The following LRP6 variants were observed in gnomAD, a reference collection of about 807,000 sequenced individuals.
The protein encoded by LRP6 is LDL receptor related protein 6.
Under a neutral mutation model 184.1 loss-of-function variants are expected in LRP6, and 43 were observed. That is an observed-to-expected ratio of 0.23 (90% CI 0.18 to 0.30). LRP6 has a LOEUF of 0.30. Ranked by LOEUF, LRP6 falls within the 10% of genes least tolerant of loss-of-function variation. The pLI, the probability that LRP6 is intolerant of heterozygous loss-of-function variation, is 1.00. For synonymous variants in LRP6, 719 were observed against 684.9 expected (o/e 1.05, Z -0.78); for missense variants, 1,571 against 2,005.3 (o/e 0.78, Z 4.14).
intron 3 of LRP6, among the ~76,000 whole-genome samples, chr12:12,201,022 G>A (rs1264171403): frequency 2.0e-5 from 3 of 152,094 alleles, no homozygotes; most frequent in Non-Finnish European, 2.9e-5. Context: ...TAAAATTAGT[G>A]TTCCTGAACT....
intron 1 of LRP6, among the ~76,000 whole-genome samples, chr12:12,266,068 T>C (rs149511016): frequency 2.2e-4 from 34 of 152,302 alleles, no homozygotes; most frequent in African/African-American, 7.5e-4. Context: ...TATTTTATTA[T>C]GGGCTGAAGC....
rs776503670 is a variant in LRP6 at position 12,138,525 on chromosome 12, C to G, written c.3407G>C (p.Arg1136Pro). Residue 1136 changes from arginine to proline, a missense_variant, in exon 16 of 23, where the codon CGG becomes CCG. Arg to Pro is a moderately radical substitution (Grantham distance 103). Coordinates refer to ENST00000261349, the MANE Select transcript of LRP6 (RefSeq NM_002336.3). ...GATATTGGAGTCTTCTAATACTATCCGGTTAGCACCTTGGAAAAGGAGAAA... is the reference window on the plus strand; with the variant it reads ...GATATTGGAGTCTTCTAATACTATCGGGTTAGCACCTTGGAAAAGGAGAAA... Reference protein sequence around the residue: ...IESSDLSGANRIVLEDSNILQ... With the variant: ...IESSDLSGANPIVLEDSNILQ... 1 of 1,613,562 alleles carries G rather than the reference C, an allele frequency of 6.2e-7. No individual in the cohort carries two copies. The highest frequency in any genetic ancestry group is 1.1e-5 in the South Asian group (1 of 91,048).
chr12:12,266,921 G>C lies in LRP6; in HGVS notation c.-186C>G, dbSNP rs1470282702. The C allele has an allele frequency of 1.6e-6, 1 of 621,228 alleles. No homozygotes were observed. The highest frequency in any genetic ancestry group is 2.9e-6 in the Non-Finnish European group (1 of 349,160). The allele number at this position is 621,228 out of a possible 1,614,324, so 38.5% of individuals were successfully genotyped here. ...CCGCCGCCGCCCTCTCTACCGCGCC[G>C]CTCGGCCCCGGGCTCGCGCGACGCC... On this transcript the variant is annotated 5_prime_UTR_variant, in exon 1 of 23. Transcript: ENST00000261349.
intron 3 of LRP6, among the ~76,000 whole-genome samples, chr12:12,201,864 C>CA (rs1255394447): frequency 1.3e-5 from 2 of 151,918 alleles, no homozygotes; most frequent in African/African-American, 4.8e-5. Context: ...TGAAAGAAGG[C>CA]AAAAAATACT....
In LRP6 at chr12:12,119,987, C is replaced by CAAACAAACAAACAAACAAAAAAAAAA. The variant is rs567315765; in HGVS notation, c.*1138_*1139insTTTTTTTTTTGTTTGTTTGTTTGTTT. ...TTTACTCAGAAAACAAACAAACAAA[C>CAAACAAACAAACAAACAAAAAAAAAA]AAAATATATATATATATATATATAT... On this transcript the variant is annotated 3_prime_UTR_variant, in exon 23 of 23. Coordinates refer to ENST00000261349, the MANE Select transcript of LRP6 (RefSeq NM_002336.3). 12 of 42,932 alleles carry CAAACAAACAAACAAACAAAAAAAAAA rather than the reference C, an allele frequency of 2.8e-4. No homozygotes were observed. Among genetic ancestry groups the CAAACAAACAAACAAACAAAAAAAAAA allele is most frequent in the Non-Finnish European group, 4.5e-4 (10 of 22,136 alleles). The allele number at this position is 42,932 out of a possible 1,614,324, so 2.7% of individuals were successfully genotyped here.
intron 1 of LRP6, among the ~76,000 whole-genome samples, chr12:12,255,566 CT>C (rs749441005): frequency 0.04 from 4,529 of 114,064 alleles, 34 homozygotes; most frequent in Middle Eastern, 0.11. Context: ...GGTTTGGTCA[CT>C]TTTTTTTTTT....
At chr12:12,151,604 T>A (rs962125274) in intron 12 of LRP6, among the ~76,000 whole-genome samples, 29 of 152,190 alleles carry the variant, frequency 1.9e-4, no homozygotes, top group Admixed American at 5.9e-4. Flanking sequence ...CTTGTCCCTC[T>A]CACTGAGTTG....
At chr12:12,129,389 C>T (rs1290720734) in intron 19 of LRP6, among the ~76,000 whole-genome samples, 2 of 152,162 alleles carry the variant, frequency 1.3e-5, no homozygotes, top group African/African-American at 4.8e-5. Context: ...CTCTTGCTGA[C>T]ACCCCTCAAC....
At chr12:12,155,125 G>A (rs1950132830) in intron 12 of LRP6, 2 of 395,454 alleles carry the variant, frequency 5.1e-6, no homozygotes, top group Non-Finnish European at 9.6e-6. Context: ...GAACCTGGGA[G>A]GCGGATGTTG....
In LRP6 at chr12:12,169,234, G is replaced by GATAATAATAATAATA. The variant is rs544964479; in HGVS notation, c.1546-3954_1546-3940dup. On this transcript the variant is annotated intron_variant, in intron 7 of 22. Coordinates refer to ENST00000261349, the MANE Select transcript of LRP6 (RefSeq NM_002336.3). Reference sequence around the variant, plus strand: ...ACAAGAGCAAACTCTGCCTCAAAATGATAATAATAATAATAATAATAATAA... The same window carrying GATAATAATAATAATA: ...ACAAGAGCAAACTCTGCCTCAAAATGATAATAATAATAATAATAATAATAATAATAATAATAATAA... 1.2e-3 allele frequency among the ~76,000 whole-genome samples: 178 copies of GATAATAATAATAATA among 148,746 alleles called. 1 individual carries two copies. Among genetic ancestry groups the GATAATAATAATAATA allele is most frequent in the Non-Finnish European group, 1.9e-3 (125 of 67,286 alleles).
chr12:12,240,035 T>TACAC (rs747236412), intron 2 of LRP6, among the ~76,000 whole-genome samples: 1 of 149,882 alleles, frequency 6.7e-6, no homozygotes, highest in African/African-American at 2.5e-5. Flanking sequence ...AGAACACATG[T>TACAC]ACACACACAC....
At chr12:12,210,802 T>C (rs532873178) in intron 2 of LRP6, 1 of 152,208 alleles carries the variant, frequency 6.6e-6, no homozygotes, top group Non-Finnish European at 1.5e-5. Flanking sequence ...CTGATTTTAA[T>C]GTGAAAAAGA....
chr12:12,144,859 A>G (rs922358776), intron 15 of LRP6, among the ~76,000 whole-genome samples: 2 of 148,286 alleles, frequency 1.3e-5, no homozygotes, highest in African/African-American at 5.0e-5. Flanking sequence ...TGGGAATTAA[A>G]CAATGAGATC....
intron 1 of LRP6, among the ~76,000 whole-genome samples, chr12:12,247,799 C>T (rs1865225597): frequency 6.6e-6 from 1 of 152,192 alleles, no homozygotes; most frequent in South Asian, 2.1e-4. Context: ...ATCTTCCATT[C>T]CAGAGAGCTT....
At chr12:12,252,559 T>C (rs1398479124) in intron 1 of LRP6, among the ~76,000 whole-genome samples, 1 of 152,208 alleles carries the variant, frequency 6.6e-6, no homozygotes, top group Non-Finnish European at 1.5e-5. Flanking sequence ...AATGCCCTCA[T>C]TGTCCATGTC....
intron 1 of LRP6, among the ~76,000 whole-genome samples, chr12:12,260,485 A>G (rs2135945017): frequency 6.6e-6 from 1 of 152,352 alleles, no homozygotes; most frequent in East Asian, 1.9e-4. Context: ...CCAGTTGCAG[A>G]AGAATCAAAA....
In LRP6 at chr12:12,118,462, T is replaced by C. The variant is rs968768291; in HGVS notation, c.*2664A>G. ...TGTTCAAAATAAATACTTTTGCATA[T>C]AAGGAATCTAATGAAACATTATTCA... is the stretch of plus-strand genomic sequence containing the variant. On this transcript the variant is annotated 3_prime_UTR_variant, in exon 23 of 23. Transcript: ENST00000261349. 1 of 152,232 alleles carries C rather than the reference T, an allele frequency of 6.6e-6. No homozygotes were observed. Among genetic ancestry groups the C allele is most frequent in the African/African-American group, 2.4e-5 (1 of 41,466 alleles). 9.4% of individuals were successfully genotyped at this position (152,232 alleles called of 1,614,324 possible).
Position 12,158,829 on chromosome 12 carries a change from CACT to C in LRP6, c.2788_2790del (p.Ser930del). On this transcript the variant is annotated inframe_deletion and splice_region_variant, in exon 12 of 23. Transcript: ENST00000261349. Reference sequence around the variant, plus strand: ...TGCTTTGGAGGGAAATGCAGCTTACCACTACAAGTCCTGTTGTCAGCATTAAGA... The same window carrying C: ...TGCTTTGGAGGGAAATGCAGCTTACCACAAGTCCTGTTGTCAGCATTAAGA... The C allele has an allele frequency of 1.2e-6, 2 of 1,613,906 alleles. No individual in the cohort carries two copies. The highest frequency in any genetic ancestry group is 1.7e-6 in the Non-Finnish European group (2 of 1,179,878).
At chr12:12,220,161 G>A (rs1412779561) in intron 2 of LRP6, among the ~76,000 whole-genome samples, 4 of 151,894 alleles carry the variant, frequency 2.6e-5, no homozygotes, top group East Asian at 1.9e-4. Context: ...GGTGGCACAC[G>A]CCTGCAGTCC....
Sources: gnomAD v4.1 joint callset for allele counts (sites outside exome capture counted in the v4.1 genomes callset) on GRCh38, gnomAD v4.1.1 for gene constraint, MANE v1.5 for transcripts, NCBI Gene and HGNC (gene_info 2026-07-23, HGNC 2026-07-21) for gene names.